Variants in C2orf69 observed in about 807,000 individuals in gnomAD.
C2orf69 encodes the protein mitochondrial protein C2orf69.
A neutral mutation model predicts 29.5 loss-of-function variants in C2orf69; 19 were observed. That is an observed-to-expected ratio of 0.65 (90% confidence interval 0.45 to 0.95). C2orf69 has a LOEUF of 0.95. Ranked by LOEUF, C2orf69 falls within the 40% of genes least tolerant of loss-of-function variation. The pLI, the probability that C2orf69 is intolerant of heterozygous loss-of-function variation, is 0.00. For missense variants in C2orf69, 416 were observed against 482.1 expected (o/e 0.86, Z 1.28); for synonymous variants, 194 against 180.0 (o/e 1.08, Z -0.62).
In C2orf69 at chr2:199,925,412, TG is replaced by T; in HGVS notation, c.686del (p.Gly229ValfsTer7). 6.2e-7 allele frequency: 1 copy of T among 1,613,840 alleles called. No individual in the cohort carries two copies. On this transcript the variant is annotated frameshift_variant, in exon 2 of 2. Coordinates refer to ENST00000319974, the MANE Select transcript of C2orf69 (RefSeq NM_153689.6). LOFTEE classifies it high-confidence loss of function. The surrounding 1 kb of genome is among the most constrained non-coding windows in gnomAD (Gnocchi z 4.9). The stretch of plus-strand genomic sequence containing the variant: ...GATCCAGTCCTTCTCATACTACGAA[TG>T]GTTGCCAGGGAGAAAAAGTGAGGAC... ...CRSSPSHTTN[G>X]CQGEKVRTCE...
intron 1 of C2orf69, among the ~76,000 whole-genome samples, chr2:199,914,766 C>T (rs1404197230): frequency 6.6e-6 from 1 of 152,162 alleles, no homozygotes; most frequent in Non-Finnish European, 1.5e-5. Flanking sequence ...TGTATACTGC[C>T]TGGAACAGCC....
intron 1 of C2orf69, among the ~76,000 whole-genome samples, chr2:199,924,243 C>T (rs2077327736): frequency 1.3e-5 from 2 of 152,112 alleles, no homozygotes; most frequent in South Asian, 4.1e-4. Flanking sequence ...CTTCTCTCTA[C>T]AAAGAATAAA....
In C2orf69 at chr2:199,926,774, A is replaced by T. The variant is rs893797698; in HGVS notation, c.*888A>T. Reference sequence around the variant, plus strand: ...GTCCAAAAACCAGTTGTTTTGGAAAATTGCTTTAAATTGAGCATATTTATG... The same window carrying T: ...GTCCAAAAACCAGTTGTTTTGGAAATTTGCTTTAAATTGAGCATATTTATG... On this transcript the variant is annotated 3_prime_UTR_variant, in exon 2 of 2. Transcript: ENST00000319974. 4.6e-5 allele frequency: 7 copies of T among 152,750 alleles called. No individual in the cohort carries two copies. The highest frequency in any genetic ancestry group is 1.7e-4 in the African/African-American group (7 of 41,572). The allele number at this position is 152,750 out of a possible 1,614,324, so 9.5% of individuals were successfully genotyped here.
At chr2:199,921,156 G>A (rs1011776921) in intron 1 of C2orf69, among the ~76,000 whole-genome samples, 1 of 150,572 alleles carries the variant, frequency 6.6e-6, no homozygotes, top group African/African-American at 2.4e-5. Flanking sequence ...ACAGGCACGC[G>A]CCACCATGCC....
chr2:199,911,651 G>A lies in C2orf69; in HGVS notation c.213G>A (p.Leu71=). Residue 71 remains leucine, a synonymous_variant, in exon 1 of 2, where the codon TTG becomes TTA. Coordinates refer to ENST00000319974, the MANE Select transcript of C2orf69 (RefSeq NM_153689.6). ...PGADPQRSNE[L]LLLAAAGEGL... ...CCGATCCGCAGCGCAGCAACGAATT[G>A]CTCCTGTTGGCGGCGGCCGGGGAGG... 8.4e-6 allele frequency: 13 copies of A among 1,549,162 alleles called. No homozygotes were observed. The highest frequency in any genetic ancestry group is 1.1e-5 in the Non-Finnish European group (13 of 1,146,660).
intron 1 of C2orf69, among the ~76,000 whole-genome samples, chr2:199,918,445 T>C (rs975416469): frequency 1.3e-5 from 2 of 152,190 alleles, no homozygotes; most frequent in Non-Finnish European, 2.9e-5. Context: ...CACTGCAACC[T>C]CCGTCTCCCG....
chr2:199,911,572 T>A lies in C2orf69; in HGVS notation c.134T>A (p.Leu45His). The change falls in exon 1 of 2, where the codon CTC becomes CAC. Residue 45 changes from leucine (L) to histidine (H), a missense_variant. Leu to His is a moderately conservative substitution (Grantham distance 99, BLOSUM62 -3). This residue lies in a region of C2orf69 where 175 missense variants were observed against 139.9 expected (regional missense o/e 1.25). Transcript: ENST00000319974. ...PGGSGGARCS[L>H]SAEVRRRQCL... ...GGCAGCGGCGGCGCGCGATGCTCCC[T>A]CTCGGCCGAGGTGCGCCGCCGTCAG... 4 of 1,549,658 alleles carry A rather than the reference T, an allele frequency of 2.6e-6. No homozygotes were observed. The highest frequency in any genetic ancestry group is 3.5e-6 in the Non-Finnish European group (4 of 1,146,684).
At position 199,911,780 on chromosome 2, in the gene C2orf69, G is replaced by A. The variant is rs370597918; in HGVS notation, c.333+9G>A. 2.0e-6 allele frequency: 3 copies of A among 1,537,388 alleles called. No individual in the cohort carries two copies. Among genetic ancestry groups the A allele is most frequent in the Non-Finnish European group, 1.7e-6 (2 of 1,146,864 alleles). On this transcript the variant is annotated intron_variant, in intron 1 of 1. Coordinates refer to ENST00000319974, the MANE Select transcript of C2orf69 (RefSeq NM_153689.6). ...TCCCTGGGGATGTGCAGGTAACTCG[G>A]GGCCTGCCTGGGTATCTGTTCCTTC...
At position 199,919,964 on chromosome 2, in the gene C2orf69, T is replaced by A. The variant is rs76799107; in HGVS notation, c.334-5098T>A. Among the ~76,000 whole-genome samples the A allele has an allele frequency of 6.6e-3, 1,006 of 152,312 alleles. 64 individuals carry two copies. The East Asian group carries it at 0.17, about 25-fold the overall frequency. On this transcript the variant is annotated intron_variant, in intron 1 of 1. Transcript: ENST00000319974. The stretch of plus-strand genomic sequence containing the variant: ...TCAATAGCAGTTTGGAGTGGGTCTC[T>A]GAGTTTTTGCAGGTCAGCAAGCATC...
At chr2:199,921,765 G>C (rs2077316976) in intron 1 of C2orf69, among the ~76,000 whole-genome samples, 1 of 150,694 alleles carries the variant, frequency 6.6e-6, no homozygotes, top group Admixed American at 6.6e-5. Flanking sequence ...ATACATACTT[G>C]TATATGTGTA....
At position 199,911,295 on chromosome 2, in the gene C2orf69, C is replaced by G. The variant is rs1262686808; in HGVS notation, c.-144C>G. 2 of 988,496 alleles carry G rather than the reference C, an allele frequency of 2.0e-6. No homozygotes were observed. The highest frequency in any genetic ancestry group is 6.4e-5 in the East Asian group (2 of 31,174). The allele number at this position is 988,496 out of a possible 1,614,324, so 61.2% of individuals were successfully genotyped here. The stretch of plus-strand genomic sequence containing the variant: ...GCACGCTGCGCGCGGACGTCGGCCT[C>G]TGACGTCGTCGCCTCAGCGCCGGCT... On this transcript the variant is annotated 5_prime_UTR_variant, in exon 1 of 2. Coordinates refer to ENST00000319974, the MANE Select transcript of C2orf69 (RefSeq NM_153689.6).
chr2:199,912,216 G>C (rs1344450619), intron 1 of C2orf69, among the ~76,000 whole-genome samples: 1 of 152,088 alleles, frequency 6.6e-6, no homozygotes, highest in South Asian at 2.1e-4. Context: ...ACATTACAAA[G>C]GTATGACATC....
rs766626317 is a variant in C2orf69 at position 199,925,273 on chromosome 2, G to T, written c.545G>T (p.Gly182Val). ...GCCCCAGAACACAATACTGACTTTG[G>T]AGCTTTTAAGCACCTTTATATGTTA... ...FGAPEHNTDF[G>V]AFKHLYMLLV... is the part of the protein sequence containing the mutation. Residue 182 changes from glycine to valine, a missense_variant, in exon 2 of 2, where the codon GGA (glycine) becomes GTA (valine). Gly to Val is a moderately radical substitution (Grantham distance 109, BLOSUM62 -3). Coordinates refer to ENST00000319974, the MANE Select transcript of C2orf69 (RefSeq NM_153689.6). This position sits in a 1 kb window ranked among gnomAD's most constrained non-coding sequence, Gnocchi z 4.9. 1 of 1,612,236 alleles carries T rather than the reference G, an allele frequency of 6.2e-7. No individual in the cohort carries two copies. The highest frequency in any genetic ancestry group is 8.5e-7 in the Non-Finnish European group (1 of 1,179,662).
chr2:199,916,286 A>C (rs2077292546), intron 1 of C2orf69, among the ~76,000 whole-genome samples: 1 of 152,160 alleles, frequency 6.6e-6, no homozygotes, highest in Non-Finnish European at 1.5e-5. Flanking sequence ...CCCATGATTC[A>C]GTTACCTCCC....
chr2:199,921,341 CTAA>C (rs1432698358), intron 1 of C2orf69, among the ~76,000 whole-genome samples: 1 of 151,840 alleles, frequency 6.6e-6, no homozygotes, highest in Non-Finnish European at 1.5e-5. Flanking sequence ...TGGCAAACTA[CTAA>C]TATTAGTGAA....
intron 1 of C2orf69, among the ~76,000 whole-genome samples, chr2:199,924,628 G>A (rs1001121677): frequency 6.6e-6 from 1 of 152,092 alleles, no homozygotes; most frequent in Non-Finnish European, 1.5e-5. Flanking sequence ...ATCCAAAGAG[G>A]GAGGGGTATA....
chr2:199,921,457 T>C (rs2077315768), intron 1 of C2orf69, among the ~76,000 whole-genome samples: 1 of 152,190 alleles, frequency 6.6e-6, no homozygotes, highest in East Asian at 1.9e-4. Flanking sequence ...TAACAATGTT[T>C]AACCTGATTG....
chr2:199,911,453 G>T lies in C2orf69; in HGVS notation c.15G>T (p.Arg5Ser), dbSNP rs1355186751. ...GGCGGCGACCCATGTGGGGGTTCAG[G>T]CTCCTGCGGTCGCCGCCGTTGCTGC... MWGF[R>S]LLRSPPLLLL... Residue 5 changes from arginine (R) to serine (S), a missense_variant, in exon 1 of 2, where the codon AGG becomes AGT. By Grantham distance (110) the Arg-to-Ser change is moderately radical. This residue lies in a region of C2orf69 where 175 missense variants were observed against 139.9 expected (regional missense o/e 1.25). Coordinates refer to ENST00000319974, the MANE Select transcript of C2orf69 (RefSeq NM_153689.6). The T allele has an allele frequency of 3.9e-6, 6 of 1,541,974 alleles. No individual in the cohort carries two copies. The South Asian group carries it at 4.8e-5, about 12-fold the overall frequency.
chr2:199,915,003 G>A (rs565424883), intron 1 of C2orf69, among the ~76,000 whole-genome samples: 297 of 152,232 alleles, frequency 2.0e-3, no homozygotes, highest in Non-Finnish European at 3.7e-3. Flanking sequence ...TTTGTTCACC[G>A]ATATAATCTG....
Sources: allele counts gnomAD v4.1 joint callset (sites outside exome capture counted in the v4.1 genomes callset), GRCh38; gene constraint gnomAD v4.1.1; regional missense constraint gnomAD v4.1.1; non-coding constraint Gnocchi (gnomAD v3.1); transcripts MANE v1.5; gene names NCBI Gene and HGNC (gene_info 2026-07-23, HGNC 2026-07-21).